Variants in NRG3 observed in about 807,000 individuals in gnomAD.
NRG3 encodes pro-neuregulin-3, membrane-bound isoform.
In NRG3, 31 loss-of-function variants were observed where a neutral mutation model predicts 66.9. The ratio of observed to expected loss-of-function variants is 0.46; its 90% CI spans 0.35 to 0.63. The LOEUF (loss-of-function observed/expected upper bound fraction) is 0.63, where lower values mean the gene tolerates loss of function less well. Among genes scored for constraint, NRG3 ranks in the 20% least tolerant of loss-of-function variants. The pLI is 0.00. For missense variants in NRG3, 910 were observed against 878.9 expected, an observed-to-expected ratio of 1.04 and a Z score of -0.45; for synonymous variants, 393 against 359.4, an observed-to-expected ratio of 1.09 and a Z score of -1.06.
chr10:82,541,578 CT>C (rs992890078), intron 2 of NRG3, among the ~76,000 whole-genome samples: 2 of 152,164 alleles, frequency 1.3e-5, no homozygotes, highest in African/African-American at 4.8e-5. Flanking sequence ...TTTCACAGTG[CT>C]TTTCCATACA....
At chr10:82,691,600 T>TA (rs2054931848) in intron 2 of NRG3, among the ~76,000 whole-genome samples, 1 of 152,220 alleles carries the variant, frequency 6.6e-6, no homozygotes, top group Admixed American at 6.5e-5. Context: ...ATCTCAGTGT[T>TA]ACTTTTTTAT....
intron 2 of NRG3, among the ~76,000 whole-genome samples, chr10:82,712,204 A>ATGTAT (rs1555009278): frequency 6.6e-6 from 1 of 151,648 alleles, no homozygotes; most frequent in African/African-American, 2.4e-5. Flanking sequence ...TAGGGATTTT[A>ATGTAT]TATATTCTAT....
At chr10:82,738,416 G>C (rs188971071) in intron 2 of NRG3, among the ~76,000 whole-genome samples, 161 bp from the exon 3 acceptor site, 1 of 152,316 alleles carries the variant, frequency 6.6e-6, no homozygotes, top group Admixed American at 6.5e-5. Flanking sequence ...AAATAGAATT[G>C]AGAATCTGCC....
chr10:82,040,170 A>G (rs1198773101), intron 1 of NRG3, among the ~76,000 whole-genome samples: 2 of 152,096 alleles, frequency 1.3e-5, no homozygotes, highest in Non-Finnish European at 2.9e-5. Context: ...ATTTTGAAGG[A>G]AACTTAAGCT....
intron 2 of NRG3, among the ~76,000 whole-genome samples, chr10:82,520,539 C>T (rs1846086042): frequency 6.6e-6 from 1 of 152,148 alleles, no homozygotes; most frequent in Non-Finnish European, 1.5e-5. Flanking sequence ...CTCAGCTTGT[C>T]TGTCTGTATA....
chr10:81,898,351 A>C (rs1843712380), intron 1 of NRG3, among the ~76,000 whole-genome samples: 1 of 152,178 alleles, frequency 6.6e-6, no homozygotes, highest in Admixed American at 6.5e-5. Context: ...GGTTGAAGAA[A>C]AGGTAAAGGA....
chr10:82,347,229 C>G (rs1461124819), intron 1 of NRG3, among the ~76,000 whole-genome samples: 1 of 147,126 alleles, frequency 6.8e-6, no homozygotes, highest in African/African-American at 2.6e-5. Context: ...CCTCTACACA[C>G]TGCTTTGAAT....
At chr10:82,095,465 AAAAC>A (rs2066279837) in intron 1 of NRG3, among the ~76,000 whole-genome samples, 3 of 152,220 alleles carry the variant, frequency 2.0e-5, no homozygotes, top group African/African-American at 7.2e-5. Flanking sequence ...GGAGGGGCAG[AAAAC>A]AATGCTATAC....
chr10:82,665,562 A>G (rs578211981), intron 2 of NRG3, among the ~76,000 whole-genome samples: 22 of 152,248 alleles, frequency 1.4e-4, no homozygotes, highest in African/African-American at 5.3e-4. Flanking sequence ...TTATTCAGTA[A>G]TACCTACCTT....
At chr10:81,979,214 T>C (rs1432695803) in intron 1 of NRG3, among the ~76,000 whole-genome samples, 8 of 149,326 alleles carry the variant, frequency 5.4e-5, no homozygotes, top group Non-Finnish European at 1.2e-4. Context: ...AAAAAAAAAT[T>C]TCCTGTCTGT....
chr10:82,132,524 T>TATCATA (rs1564593958), intron 1 of NRG3, among the ~76,000 whole-genome samples: 6 of 20,854 alleles, frequency 2.9e-4, no homozygotes, highest in Non-Finnish European at 6.0e-4. Context: ...ATGATATATA[T>TATCATA]GATATATATA....
chr10:82,823,199 C>T (rs886160347), intron 3 of NRG3, among the ~76,000 whole-genome samples: 5 of 152,080 alleles, frequency 3.3e-5, no homozygotes, highest in African/African-American at 1.2e-4. Flanking sequence ...GGAGAGAGGG[C>T]AAGTACGAAT....
At chr10:82,479,645 C>A (rs1454366923) in intron 2 of NRG3, among the ~76,000 whole-genome samples, 1 of 101,968 alleles carries the variant, frequency 9.8e-6, no homozygotes, top group Non-Finnish European at 1.8e-5. Flanking sequence ...GCATGGACAA[C>A]AAGAGCAAAA....
intron 1 of NRG3, among the ~76,000 whole-genome samples, chr10:81,960,549 A>G (rs1487416108): frequency 6.6e-6 from 1 of 152,008 alleles, no homozygotes; most frequent in East Asian, 1.9e-4. Flanking sequence ...TAAGTCATAT[A>G]GCAGCATAGT....
intron 3 of NRG3, among the ~76,000 whole-genome samples, chr10:82,766,702 C>T (rs192843257): frequency 4.1e-4 from 62 of 152,052 alleles, no homozygotes; most frequent in Non-Finnish European, 5.7e-4. Flanking sequence ...TCAAGTAGTA[C>T]GCTGATTACC....
chr10:82,411,159 A>C (rs998580202), intron 2 of NRG3, among the ~76,000 whole-genome samples: 2 of 151,998 alleles, frequency 1.3e-5, no homozygotes, highest in South Asian at 4.1e-4. Context: ...CAGGTGATCT[A>C]CCTGCTTCAG....
At chr10:82,976,975 G>A (rs1042847748) in intron 7 of NRG3, among the ~76,000 whole-genome samples, 15 of 151,900 alleles carry the variant, frequency 9.9e-5, no homozygotes, top group African/African-American at 2.9e-4. Flanking sequence ...TTTTGCCCTC[G>A]AACACTTATC....
intron 1 of NRG3, among the ~76,000 whole-genome samples, chr10:82,346,410 G>A (rs1480501570): frequency 7.2e-6 from 1 of 139,366 alleles, no homozygotes; most frequent in African/African-American, 3.0e-5. Flanking sequence ...TCCCAGGGAT[G>A]AAGCCCACTT....
intron 1 of NRG3, among the ~76,000 whole-genome samples, chr10:82,238,940 A>G (rs1292376187): frequency 6.8e-6 from 1 of 146,558 alleles, no homozygotes; most frequent in Non-Finnish European, 1.5e-5. Flanking sequence ...TATTTATATA[A>G]TATATACTTC....
Sources: allele counts gnomAD v4.1 joint callset (sites outside exome capture counted in the v4.1 genomes callset), GRCh38; gene constraint gnomAD v4.1.1; transcripts MANE v1.5; gene names NCBI Gene and HGNC (gene_info 2026-07-23, HGNC 2026-07-21).